ABCA9: variants seen among roughly 807,000 people sequenced by gnomAD.
ABCA9 encodes ATP binding cassette subfamily A member 9, also known as ATP-binding cassette sub-family A member 9.
In ABCA9, 183 loss-of-function variants were observed where a neutral mutation model predicts 205.3. That is an observed-to-expected ratio of 0.89 (90% CI 0.79 to 1.01). ABCA9 has a LOEUF of 1.01. Ranked by LOEUF, ABCA9 falls within the 50% of genes least tolerant of loss-of-function variation. The pLI is 0.00. For missense variants in ABCA9, 1,805 were observed against 1,912.4 expected (o/e 0.94, Z 1.05); for synonymous variants, 651 against 683.3 (o/e 0.95, Z 0.74).
chr17:68,989,574 A>G (rs942831455), intron 30 of ABCA9, among the ~76,000 whole-genome samples: 1 of 152,222 alleles, frequency 6.6e-6, no homozygotes, highest in African/African-American at 2.4e-5. Context: ...CTTAACAGAA[A>G]GACCGCCTCT....
chr17:68,985,636 C>T (rs897523975), intron 32 of ABCA9, among the ~76,000 whole-genome samples: 1 of 151,662 alleles, frequency 6.6e-6, no homozygotes, highest in African/African-American at 2.4e-5. Context: ...ACAAAACAAA[C>T]AAAAACCAAG....
chr17:68,986,083 C>T, intron 32 of ABCA9, 81 bp downstream of exon 32: 2 of 1,412,180 alleles, frequency 1.4e-6, no homozygotes, highest in Non-Finnish European at 1.9e-6. Context: ...TCAATTACAA[C>T]CTCCCTGTCT....
chr17:68,980,915 A>G (rs2069031353), intron 37 of ABCA9, among the ~76,000 whole-genome samples: 1 of 149,840 alleles, frequency 6.7e-6, no homozygotes, highest in Admixed American at 6.6e-5. Flanking sequence ...GAAGTATAAT[A>G]ATATAAAAAA....
intron 2 of ABCA9, 97 bp downstream of exon 2, chr17:69,050,934 T>C (rs2071882434): frequency 7.4e-6 from 8 of 1,073,858 alleles, no homozygotes; most frequent in East Asian, 2.6e-5. Flanking sequence ...ACTACACATA[T>C]GTGCAATGTT....
intron 25 of ABCA9, among the ~76,000 whole-genome samples, chr17:69,003,093 A>C (rs892752767): frequency 6.6e-6 from 1 of 151,050 alleles, no homozygotes; most frequent in Non-Finnish European, 1.5e-5. Flanking sequence ...TGTGTCTTTT[A>C]ATTGGAGCAT....
intron 9 of ABCA9, chr17:69,033,133 C>T (rs999822681): frequency 6.6e-6 from 1 of 151,884 alleles, no homozygotes; most frequent in African/African-American, 2.4e-5. Flanking sequence ...ATGGTGAAAC[C>T]TCGTCTCCAC....
At chr17:69,054,908 C>A (rs564249846) in intron 1 of ABCA9, among the ~76,000 whole-genome samples, 2 of 151,856 alleles carry the variant, frequency 1.3e-5, no homozygotes, top group South Asian at 4.2e-4. Context: ...ATATATATTG[C>A]AAACTCTAAG....
chr17:68,994,114 G>C (rs996806953), intron 26 of ABCA9, among the ~76,000 whole-genome samples: 1 of 152,176 alleles, frequency 6.6e-6, no homozygotes, highest in Non-Finnish European at 1.5e-5. Context: ...GACCTCAGGT[G>C]ATTCACCTGC....
chr17:69,077,907 G>T, the ABCA9 span, among the ~76,000 whole-genome samples: 1 of 151,558 alleles, frequency 6.6e-6, no homozygotes, highest in African/African-American at 2.4e-5. Context: ...TAATATAAAA[G>T]ATATGTGGAA....
At position 68,979,120 on chromosome 17, in the gene ABCA9, A is replaced by G. The variant is rs555359703; in HGVS notation, c.4721-2930T>C. On this transcript the variant is annotated intron_variant, in intron 37 of 38. Transcript: ENST00000340001. ...GATACAAAATCAATGTGCAAAAGTC[A>G]CAAGCATTCTTATACACCAATAACA... is the stretch of plus-strand genomic sequence containing the variant. Among the ~76,000 whole-genome samples the G allele has an allele frequency of 2.6e-3, 391 of 152,334 alleles. 1 individual carries two copies. The highest frequency in any genetic ancestry group is 6.3e-3 in the Admixed American group (96 of 15,288).
chr17:69,046,345 C>T (rs1307471102), intron 3 of ABCA9, among the ~76,000 whole-genome samples: 1 of 152,150 alleles, frequency 6.6e-6, no homozygotes, highest in African/African-American at 2.4e-5. Context: ...CTCGGTATTT[C>T]CTACAATCCA....
At chr17:69,017,817 C>A in intron 20 of ABCA9, 28 bp from the exon 21 acceptor site, 2 of 1,601,420 alleles carry the variant, frequency 1.2e-6, no homozygotes, top group Non-Finnish European at 8.5e-7. Flanking sequence ...TTAAAGGAAG[C>A]AAAAATGAAA....
intron 29 of ABCA9, among the ~76,000 whole-genome samples, chr17:68,990,320 C>T (rs890134603): frequency 6.6e-6 from 1 of 152,194 alleles, no homozygotes; most frequent in Non-Finnish European, 1.5e-5. Context: ...TTTAGCTGTA[C>T]TTATCAAAAC....
chr17:68,998,646 A>C (rs11077884), intron 25 of ABCA9, among the ~76,000 whole-genome samples: 76,107 of 151,820 alleles, frequency 0.5, 22,704 homozygotes, highest in Non-Finnish European at 0.67. Flanking sequence ...TACATAAAAA[A>C]TATTAATTAT....
rs757578421 is a variant in ABCA9, at chr17:68,984,229, G to C, written c.4380-54C>G. 135 of 1,584,174 alleles carry C rather than the reference G, an allele frequency of 8.5e-5. No homozygotes were observed. The Middle Eastern group carries it at 3.7e-3, about 44-fold the overall frequency. ...CTCATGGGAATGCTCAAGGTATTTG[G>C]AATTTTAAAAAGAAGTTTCCATCGA... On this transcript the variant is annotated intron_variant, in intron 34 of 38. Transcript: ENST00000340001.
intron 15 of ABCA9, 76 bp from the exon 16 acceptor site, chr17:69,026,543 A>G: frequency 7.9e-7 from 1 of 1,273,070 alleles, no homozygotes; most frequent in Non-Finnish European, 1.1e-6. Flanking sequence ...AAATCTATTA[A>G]CAATGTATTG....
chr17:69,003,593 G>T (rs2069976976), intron 25 of ABCA9, among the ~76,000 whole-genome samples: 1 of 143,692 alleles, frequency 7.0e-6, no homozygotes, highest in Non-Finnish European at 1.5e-5. Context: ...ACAATTATGT[G>T]TCTTGGAGTT....
chr17:69,016,354 G>GCCGTTTTGT lies in ABCA9; in HGVS notation c.2929_2937dup (p.Thr977_Arg979dup), dbSNP rs1487723769. On this transcript the variant is annotated inframe_insertion, in exon 22 of 39. Coordinates refer to ENST00000340001, the MANE Select transcript of ABCA9 (RefSeq NM_080283.4). The stretch of plus-strand genomic sequence containing the variant: ...TCCAGGAGGACAGGAAAGCAATTCA[G>GCCGTTTTGT]CCGTTTTGTATTACATGCTATTGAA... 6.2e-7 allele frequency: 1 copy of GCCGTTTTGT among 1,603,106 alleles called. No homozygotes were observed. Among genetic ancestry groups the GCCGTTTTGT allele is most frequent in the Admixed American group, 1.7e-5 (1 of 57,414 alleles).
intron 37 of ABCA9, among the ~76,000 whole-genome samples, chr17:68,977,187 G>A (rs2068912522): frequency 6.6e-6 from 1 of 152,132 alleles, no homozygotes; most frequent in Admixed American, 6.5e-5. Flanking sequence ...AGGGACTCAG[G>A]AGCTGCCAGG....
Sources: allele counts gnomAD v4.1 joint callset (sites outside exome capture counted in the v4.1 genomes callset), GRCh38; gene constraint gnomAD v4.1.1; transcripts MANE v1.5; gene names NCBI Gene and HGNC (gene_info 2026-07-23, HGNC 2026-07-21).